LZTR1: variants seen among roughly 807,000 people sequenced by gnomAD.
LZTR1 encodes leucine-zipper-like transcriptional regulator 1.
LZTR1 carries 260 observed loss-of-function variants against 105.7 expected under a neutral mutation model. That is an observed-to-expected ratio of 2.46 (90% CI 2.22 to 2.72). The LOEUF is 2.72. Ranked by LOEUF, LZTR1 falls within the 30% of genes most tolerant of loss-of-function variation. The pLI is 0.00. For synonymous variants in LZTR1, 490 were observed against 476.4 expected (o/e 1.03, Z -0.37); for missense variants, 1,214 against 1,166.9 (o/e 1.04, Z -0.59).
chr22:20,983,614 G>A (rs1485309593), intron 2 of LZTR1, among the ~76,000 whole-genome samples: 4 of 152,176 alleles, frequency 2.6e-5, no homozygotes, highest in Non-Finnish European at 2.9e-5. Flanking sequence ...CACATGACTA[G>A]TTGTGTCCAT....
chr22:20,996,617 G>T, intron 18 of LZTR1, 79 bp from the exon 19 acceptor site: 1 of 1,198,110 alleles, frequency 8.3e-7, no homozygotes, highest in Non-Finnish European at 1.2e-6. Flanking sequence ...TGGGGCTCCA[G>T]CTGCGCCCTT....
chr22:20,995,687 G>T (rs576701494), intron 16 of LZTR1, 59 bp from the exon 17 acceptor site: 1 of 1,603,034 alleles, frequency 6.2e-7, no homozygotes. Context: ...AGGTAGTGCC[G>T]TGGGGCCCCA....
rs534876628 is a variant in LZTR1 at position 20,986,741 on chromosome 22, T to C, written c.321-763T>C. ...GATTGATAGATGATAGGTAGATAGATAGATGATGGTTAGATAGATAGGTAT... is the reference window on the plus strand; with the variant it reads ...GATTGATAGATGATAGGTAGATAGACAGATGATGGTTAGATAGATAGGTAT... On this transcript the variant is annotated intron_variant, in intron 3 of 20. Coordinates refer to ENST00000646124, the MANE Select transcript of LZTR1 (RefSeq NM_006767.4). 2.6e-5 allele frequency: 4 copies of C among 152,246 alleles called. No individual in the cohort carries two copies. The South Asian group carries it at 8.3e-4, about 32-fold the overall frequency. 9.4% of individuals were successfully genotyped at this position (152,246 alleles called of 1,614,324 possible).
At chr22:20,991,925 G>C in intron 9 of LZTR1, 96 bp downstream of exon 9, 2 of 1,213,036 alleles carry the variant, frequency 1.6e-6, no homozygotes, top group Admixed American at 4.7e-5. Flanking sequence ...GGCCCCCTGG[G>C]GTTCCAGACA....
Position 20,996,049 on chromosome 22 carries a change from C to A in LZTR1, c.2156C>A (p.Ala719Asp), listed in dbSNP as rs1924832038. 1.2e-6 allele frequency: 2 copies of A among 1,613,416 alleles called. No individual in the cohort carries two copies. The highest frequency in any genetic ancestry group is 8.5e-7 in the Non-Finnish European group (1 of 1,180,016). Residue 719 changes from alanine to aspartate, a missense_variant, in exon 18 of 21, where the codon GCC becomes GAC. Coordinates refer to ENST00000646124, the MANE Select transcript of LZTR1 (RefSeq NM_006767.4). ...GGGGAGATGGTGCCCAGCAGGCAGG[C>A]CTTCGAGTCCATGCTGCGCTACATC... ...SIGEMVPSRQ[A>D]FESMLRYIYY...
chr22:20,990,734 C>T lies in LZTR1; in HGVS notation c.791+209C>T, dbSNP rs116776970. Reference sequence around the variant, plus strand: ...TACAGCTTAGCAAGATAAGGCCTGGCGAGGAGGCCCCTGGCTAGGCCTCCC... The same window carrying T: ...TACAGCTTAGCAAGATAAGGCCTGGTGAGGAGGCCCCTGGCTAGGCCTCCC... On this transcript the variant is annotated intron_variant, in intron 8 of 20. Coordinates refer to ENST00000646124, the MANE Select transcript of LZTR1 (RefSeq NM_006767.4). The T allele has an allele frequency of 2.0e-3, 1,098 of 553,154 alleles. 11 individuals carry two copies. Among genetic ancestry groups the T allele is most frequent in the African/African-American group, 0.019 (988 of 52,474 alleles). The allele number at this position is 553,154 out of a possible 1,614,324, so 34.3% of individuals were successfully genotyped here.
rs201945127 is a variant in LZTR1 at position 20,996,117 on chromosome 22, C to A, written c.2219+5C>A. The A allele has an allele frequency of 6.2e-7, 1 of 1,611,252 alleles. No homozygotes were observed. The highest frequency in any genetic ancestry group is 8.5e-7 in the Non-Finnish European group (1 of 1,179,632). On this transcript the variant is annotated splice_donor_5th_base_variant and intron_variant, in intron 18 of 20. Transcript: ENST00000646124. Reference sequence around the variant, plus strand: ...CATGCCGCCCGAGGACTCGCTGCATCCTCACTCCCCAGTGAACTCCCAGGT... The same window carrying A: ...CATGCCGCCCGAGGACTCGCTGCATACTCACTCCCCAGTGAACTCCCAGGT...
chr22:20,997,265 C>CA lies in LZTR1; in HGVS notation c.2441dup (p.Gln815AlafsTer36). On this transcript the variant is annotated frameshift_variant, in exon 21 of 21. Coordinates refer to ENST00000646124, the MANE Select transcript of LZTR1 (RefSeq NM_006767.4). LOFTEE classifies it high-confidence loss of function. ...GTTGCCCACCCTGCGGTCGCTGAGC[C>CA]AGCAGCTGCTGCTGGACATCATAGA... The CA allele has an allele frequency of 6.2e-7, 1 of 1,613,948 alleles. No homozygotes were observed. Among genetic ancestry groups the CA allele is most frequent in the East Asian group, 2.2e-5 (1 of 44,882 alleles).
chr22:20,987,435 C>A (rs1040530407), intron 3 of LZTR1, 69 bp from the exon 4 acceptor site: 3 of 855,264 alleles, frequency 3.5e-6, no homozygotes, highest in Admixed American at 1.9e-5. Context: ...GGATGCAGGG[C>A]CACCCTGTGG....
chr22:20,988,371 G>A (rs966392843), intron 5 of LZTR1, among the ~76,000 whole-genome samples: 4 of 152,190 alleles, frequency 2.6e-5, no homozygotes, highest in Non-Finnish European at 4.4e-5. Context: ...TTGGGAAGCC[G>A]AGGTGGGAAG....
chr22:20,991,606 A>T (rs952613580), intron 8 of LZTR1, 22 bp from the exon 9 acceptor site: 4 of 1,538,278 alleles, frequency 2.6e-6, no homozygotes, highest in East Asian at 2.3e-5. Flanking sequence ...CCCAGCATTG[A>T]TTCACTGTTG....
rs376876059 is a variant in LZTR1 at position 20,992,920 on chromosome 22, G to A, written c.1260+16G>A. 1.6e-5 allele frequency: 25 copies of A among 1,519,968 alleles called. No individual in the cohort carries two copies. The East Asian group carries it at 4.7e-4, about 29-fold the overall frequency. 94.2% of individuals were successfully genotyped at this position (1,519,968 alleles called of 1,614,324 possible). On this transcript the variant is annotated intron_variant, in intron 11 of 20. Coordinates refer to ENST00000646124, the MANE Select transcript of LZTR1 (RefSeq NM_006767.4). Reference sequence around the variant, plus strand: ...CAGGTTCCAGGTGTGGGGCCTGTGGGCCTGTAGAGCCGGCTGGGTGGACGG... The same window carrying A: ...CAGGTTCCAGGTGTGGGGCCTGTGGACCTGTAGAGCCGGCTGGGTGGACGG...
Position 20,992,323 on chromosome 22 carries a change from A to G in LZTR1, c.1103A>G (p.Asp368Gly). The G allele has an allele frequency of 6.2e-7, 1 of 1,613,852 alleles. No homozygotes were observed. Among genetic ancestry groups the G allele is most frequent in the Non-Finnish European group, 8.5e-7 (1 of 1,179,924 alleles). Residue 368 changes from aspartate (D) to glycine (G), a missense_variant, in exon 10 of 21, where the codon GAC becomes GGC. By Grantham distance (94) the Asp-to-Gly change is moderately conservative. Transcript: ENST00000646124. ...FKKSRDVFGL[D>G]FGTTSAKQPT... ...AAGTCCCGAGATGTGTTTGGCCTGG[A>G]CTTTGGCACCACCTCAGCCAAGCAG...
intron 18 of LZTR1, 22 bp downstream of exon 18, chr22:20,996,134 C>T (rs368949551): frequency 1.4e-4 from 233 of 1,607,124 alleles, no homozygotes; most frequent in Non-Finnish European, 1.9e-4. Context: ...CCCCAGTGAA[C>T]TCCCAGGTCC....
intron 3 of LZTR1, chr22:20,986,483 C>CAGATAGATGACAGAT (rs1924391252): frequency 6.6e-6 from 1 of 151,964 alleles, no homozygotes; most frequent in African/African-American, 2.4e-5. Context: ...GTAGATTAGA[C>CAGATAGATGACAGAT]AGATAGATGA....
rs1448290556 is a variant in LZTR1, at chr22:20,982,693, G to A, written c.200+122G>A. ...GTAGGATCTGGTAATGAGGTGGATG[G>A]TGCTGTACAGGACGCTGTTCAGGGC... On this transcript the variant is annotated intron_variant, in intron 1 of 20. Transcript: ENST00000646124. The A allele has an allele frequency of 1.7e-5, 16 of 956,248 alleles. No homozygotes were observed. In the South Asian group the frequency reaches 2.4e-4, roughly 14 times the overall value. The allele number at this position is 956,248 out of a possible 1,614,324, so 59.2% of individuals were successfully genotyped here.
intron 2 of LZTR1, among the ~76,000 whole-genome samples, chr22:20,984,057 C>T (rs902221334): frequency 5.9e-5 from 9 of 152,172 alleles, no homozygotes; most frequent in African/African-American, 1.9e-4. Context: ...CTGCTCAGGC[C>T]CTTGCACTGC....
rs755958130 is a variant in LZTR1, at chr22:20,994,699, C to A, written c.1757C>A (p.Ala586Asp). The A allele has an allele frequency of 6.2e-7, 1 of 1,612,204 alleles. No homozygotes were observed. Among genetic ancestry groups the A allele is most frequent in the Admixed American group, 1.7e-5 (1 of 60,026 alleles). Reference sequence around the variant, plus strand: ...AACGTGCTGGTTGTGTGCGAGAGTGCCGCCCGGCTGCAGCTGAGCCAACTC... The same window carrying A: ...AACGTGCTGGTTGTGTGCGAGAGTGACGCCCGGCTGCAGCTGAGCCAACTC... Reference protein sequence around the residue: ...LQNVLVVCESAARLQLSQLKE... With the variant: ...LQNVLVVCESDARLQLSQLKE... The change falls in exon 15 of 21, where the codon GCC (alanine) becomes GAC (aspartate). Residue 586 changes from alanine (A) to aspartate (D), a missense_variant. Physicochemically the swap from Ala to Asp is moderately radical, Grantham distance 126. Coordinates refer to ENST00000646124, the MANE Select transcript of LZTR1 (RefSeq NM_006767.4).
chr22:20,993,079 G>C (rs1601720403), intron 11 of LZTR1, among the ~76,000 whole-genome samples, 175 bp downstream of exon 11: 1 of 152,358 alleles, frequency 6.6e-6, no homozygotes, highest in East Asian at 1.9e-4. Flanking sequence ...TGGCACTAAA[G>C]TGGGCAGCCT....
Sources: allele counts gnomAD v4.1 joint callset (sites outside exome capture counted in the v4.1 genomes callset), GRCh38; gene constraint gnomAD v4.1.1; transcripts MANE v1.5; gene names NCBI Gene and HGNC (gene_info 2026-07-23, HGNC 2026-07-21).